The following SLC14A1 variants were observed in gnomAD, a reference collection of about 807,000 sequenced individuals.
SLC14A1 encodes solute carrier family 14 member 1 (Kidd blood group).
Under a neutral mutation model 39.6 loss-of-function variants are expected in SLC14A1, and 36 were observed. The ratio of observed to expected loss-of-function variants is 0.91; its 90% CI spans 0.70 to 1.20. The LOEUF (loss-of-function observed/expected upper bound fraction) is 1.20. SLC14A1 is among the 50% of genes most tolerant of loss of function. The pLI is 0.00. For missense variants in SLC14A1, 469 were observed against 478.7 expected (o/e 0.98, Z 0.19); for synonymous variants, 164 against 173.6 (o/e 0.94, Z 0.43).
chr18:45,727,667 G>A (rs1216826959), intron 2 of SLC14A1, among the ~76,000 whole-genome samples: 1 of 152,186 alleles, frequency 6.6e-6, no homozygotes, highest in African/African-American at 2.4e-5. Flanking sequence ...TTTACCCTGT[G>A]TCTATTTTAT....
intron 4 of SLC14A1, chr18:45,734,060 G>A (rs2047109589): frequency 3.6e-6 from 2 of 553,332 alleles, no homozygotes; most frequent in Admixed American, 5.8e-5. Flanking sequence ...GGGGACCACT[G>A]ATCTAAATGC....
chr18:45,746,514 A>G (rs2047548841), intron 8 of SLC14A1, among the ~76,000 whole-genome samples: 1 of 152,210 alleles, frequency 6.6e-6, no homozygotes, highest in Non-Finnish European at 1.5e-5. Flanking sequence ...TGGATATTTT[A>G]AAAAGAGAGA....
At chr18:45,730,925 A>G (rs529864339) in intron 3 of SLC14A1, 90 bp from the exon 4 acceptor site, 2 of 1,069,256 alleles carry the variant, frequency 1.9e-6, no homozygotes, top group South Asian at 2.5e-5. Flanking sequence ...CACTTCCAGG[A>G]GGTTTTGCTG....
Position 45,744,325 on chromosome 18 carries a change from G to C in SLC14A1, c.947-4051G>C, listed in dbSNP as rs1030641180. 2.0e-5 allele frequency among the ~76,000 whole-genome samples: 3 copies of C among 152,184 alleles called. No individual in the cohort carries two copies. In the East Asian group the frequency reaches 5.8e-4, roughly 29 times the overall value. On this transcript the variant is annotated intron_variant, in intron 8 of 9. Coordinates refer to ENST00000321925, the MANE Select transcript of SLC14A1 (RefSeq NM_015865.7). ...CTTTTTCAAAGAGGGTTTGCAAAGA[G>C]AGTTTTGTTTTCTTCAAAGAGGGTT...
rs201612170 is a variant in SLC14A1, at chr18:45,736,521, C to G, written c.536C>G (p.Pro179Arg). 9 of 1,614,238 alleles carry G rather than the reference C, an allele frequency of 5.6e-6. No homozygotes were observed. In the East Asian group the frequency reaches 2.0e-4, roughly 36 times the overall value. Reference protein sequence around the residue: ...SKWDLPVFTLPFNMALSMYLS... With the variant: ...SKWDLPVFTLRFNMALSMYLS... ...TGGGACCTCCCCGTCTTCACCCTCCCTTTCAACATGGCGTTGTCAATGTAC... is the reference window on the plus strand; with the variant it reads ...TGGGACCTCCCCGTCTTCACCCTCCGTTTCAACATGGCGTTGTCAATGTAC... Residue 179 changes from proline to arginine, a missense_variant, in exon 6 of 10, where the codon CCT becomes CGT. Pro to Arg is a moderately radical substitution (Grantham distance 103, BLOSUM62 -2). Coordinates refer to ENST00000321925, the MANE Select transcript of SLC14A1 (RefSeq NM_015865.7).
At chr18:45,735,460 CT>C (rs1397959169) in intron 5 of SLC14A1, among the ~76,000 whole-genome samples, 5 of 152,062 alleles carry the variant, frequency 3.3e-5, no homozygotes, top group Admixed American at 1.3e-4. Context: ...TGCTGAATTC[CT>C]TTTTTTTCAA....
intron 2 of SLC14A1, among the ~76,000 whole-genome samples, chr18:45,727,909 C>T (rs2046919609): frequency 6.6e-6 from 1 of 152,176 alleles, no homozygotes; most frequent in African/African-American, 2.4e-5. Context: ...AAGTGGTTCT[C>T]ATGCCTGACT....
In SLC14A1 at chr18:45,750,689, G is replaced by T; in HGVS notation, c.*738G>T. ...GAGATTATTTTTCCTTATGAAAAAT[G>T]ATCTGTTTTAAATGAGATAAAATAG... On this transcript the variant is annotated 3_prime_UTR_variant, in exon 10 of 10. Transcript: ENST00000321925. 1.0e-6 allele frequency: 1 copy of T among 984,856 alleles called. No individual in the cohort carries two copies. The highest frequency in any genetic ancestry group is 1.2e-6 in the Non-Finnish European group (1 of 829,374). 61.0% of individuals were successfully genotyped at this position (984,856 alleles called of 1,614,324 possible). A position where few individuals can be genotyped will look rare whatever the true frequency, so the allele number is the denominator to read the frequency against.
At position 45,739,673 on chromosome 18, in the gene SLC14A1, C is replaced by T; in HGVS notation, c.946+11C>T. The T allele has an allele frequency of 6.2e-7, 1 of 1,614,102 alleles. No homozygotes were observed. Among genetic ancestry groups the T allele is most frequent in the Non-Finnish European group, 8.5e-7 (1 of 1,180,000 alleles). ...TGGCTCTTGGCTGTGGTGAGTCTCC[C>T]ACGCCCCTGGGGGAGGGCTGCTCAT... On this transcript the variant is annotated intron_variant, in intron 8 of 9. Coordinates refer to ENST00000321925, the MANE Select transcript of SLC14A1 (RefSeq NM_015865.7).
intron 6 of SLC14A1, among the ~76,000 whole-genome samples, chr18:45,738,033 C>T (rs535972742): frequency 6.6e-6 from 1 of 152,292 alleles, no homozygotes; most frequent in South Asian, 2.1e-4. Context: ...TTGCCAAGTT[C>T]CCTGGTCTAG....
chr18:45,735,639 C>A (rs1192940419), intron 5 of SLC14A1, among the ~76,000 whole-genome samples: 1 of 152,224 alleles, frequency 6.6e-6, no homozygotes, highest in Non-Finnish European at 1.5e-5. Flanking sequence ...CCCACCCTTA[C>A]TGTACCCACG....
In SLC14A1 at chr18:45,751,292, A is replaced by T; in HGVS notation, c.*1341A>T. On this transcript the variant is annotated 3_prime_UTR_variant, in exon 10 of 10. Transcript: ENST00000321925. The stretch of plus-strand genomic sequence containing the variant: ...GAGGAGGAGGCTGCAGTGAGCTAAG[A>T]TTGCACCACTGCACTCCAACCTGGG... The T allele has an allele frequency of 1.4e-6, 1 of 727,680 alleles. No individual in the cohort carries two copies. Among genetic ancestry groups the T allele is most frequent in the Non-Finnish European group, 1.7e-6 (1 of 598,664 alleles). 45.1% of individuals were successfully genotyped at this position (727,680 alleles called of 1,614,324 possible).
At chr18:45,746,946 C>T (rs2047560836) in intron 8 of SLC14A1, among the ~76,000 whole-genome samples, 1 of 152,196 alleles carries the variant, frequency 6.6e-6, no homozygotes, top group Non-Finnish European at 1.5e-5. Context: ...ACCAGCCTTT[C>T]CCACTAGTGT....
rs1568053909 is a variant in SLC14A1, at chr18:45,751,786, A to AATTAATT, written c.*1836_*1837insTTAATTA. The AATTAATT allele has an allele frequency of 1.9e-5, 16 of 831,688 alleles. No individual in the cohort carries two copies. The highest frequency in any genetic ancestry group is 2.3e-5 in the Non-Finnish European group (16 of 694,158). 51.5% of individuals were successfully genotyped at this position (831,688 alleles called of 1,614,324 possible). Reference sequence around the variant, plus strand: ...GACCGAGCAAGACCCTATCTCAAAAAAATTAATTAATTAATTAATTAATTA... The same window carrying AATTAATT: ...GACCGAGCAAGACCCTATCTCAAAAAATTAATTAATTAATTAATTAATTAATTAATTA... On this transcript the variant is annotated 3_prime_UTR_variant, in exon 10 of 10. Coordinates refer to ENST00000321925, the MANE Select transcript of SLC14A1 (RefSeq NM_015865.7).
intron 3 of SLC14A1, 35 bp downstream of exon 3, chr18:45,730,506 A>T (rs1599255045): frequency 6.2e-7 from 1 of 1,612,106 alleles, no homozygotes; most frequent in East Asian, 2.2e-5. Flanking sequence ...GAGACAGGAG[A>T]AGTAGCTTTG....
chr18:45,738,874 C>T (rs1568039893), intron 6 of SLC14A1, among the ~76,000 whole-genome samples: 1 of 152,180 alleles, frequency 6.6e-6, no homozygotes, highest in Admixed American at 6.5e-5. Flanking sequence ...GGGAGCTTAA[C>T]AGTGACCAAG....
chr18:45,728,891 C>T (rs1254867737), intron 2 of SLC14A1: 1 of 152,148 alleles, frequency 6.6e-6, no homozygotes, highest in Admixed American at 6.5e-5. Context: ...GTTAGTTGGG[C>T]AGTGAGGTAA....
intron 4 of SLC14A1, 139 bp downstream of exon 4, chr18:45,731,343 T>TA: frequency 1.2e-6 from 1 of 830,410 alleles, no homozygotes. Flanking sequence ...TATTTGTTTT[T>TA]AGTCAGAGGT....
chr18:45,748,978 G>A (rs2047632410), intron 9 of SLC14A1, among the ~76,000 whole-genome samples: 1 of 152,150 alleles, frequency 6.6e-6, no homozygotes, highest in Non-Finnish European at 1.5e-5. Flanking sequence ...AGCACATGGG[G>A]CCCTTCACAT....
Sources: gnomAD v4.1 joint callset for allele counts (sites outside exome capture counted in the v4.1 genomes callset) on GRCh38, gnomAD v4.1.1 for gene constraint, MANE v1.5 for transcripts, NCBI Gene and HGNC (gene_info 2026-07-23, HGNC 2026-07-21) for gene names.